The following MGST1 variants were observed in gnomAD, a reference collection of about 807,000 sequenced individuals.
MGST1 encodes glutathione S-transferase 12.
Under a neutral mutation model 8.9 loss-of-function variants are expected in MGST1, and 5 were observed. The observed-to-expected ratio is 0.56, with a 90% CI of 0.29 to 1.19. The LOEUF (loss-of-function observed/expected upper bound fraction) is 1.19, where lower values mean the gene tolerates loss of function less well. Among genes scored for constraint, MGST1 ranks in the 50% most tolerant of loss-of-function variants. MGST1 has a pLI of 0.08. For synonymous variants in MGST1, 54 were observed against 67.8 expected, an observed-to-expected ratio of 0.80 and a Z score of 1.00; for missense variants, 182 against 187.4, an observed-to-expected ratio of 0.97 and a Z score of 0.17.
At chr12:16,558,439 AGT>A (rs2137312012) in intron 4 of MGST1, among the ~76,000 whole-genome samples, 1 of 152,224 alleles carries the variant, frequency 6.6e-6, no homozygotes, top group Non-Finnish European at 1.5e-5. Context: ...AGTCAACAAA[AGT>A]ATTCTAAATT....
At chr12:16,543,350 T>C (rs769552732) in intron 4 of MGST1, among the ~76,000 whole-genome samples, 2 of 152,138 alleles carry the variant, frequency 1.3e-5, no homozygotes, top group Non-Finnish European at 2.9e-5. Context: ...TATCTCTGAC[T>C]ACGGCCTGAA....
chr12:16,387,993 C>G (rs1940520002), intron 1 of MGST1, among the ~76,000 whole-genome samples: 1 of 152,000 alleles, frequency 6.6e-6, no homozygotes, highest in Non-Finnish European at 1.5e-5. Flanking sequence ...GCCATACCAT[C>G]TAGGTTTGTG....
Position 16,513,177 on chromosome 12 carries a change from C to G in MGST1, n.483-76351C>G, listed in dbSNP as rs1941587659. On this transcript the variant is annotated intron_variant and non_coding_transcript_variant, in intron 4 of 4. Transcript: ENST00000538857. The surrounding 1 kb of genome is among the most constrained non-coding windows in gnomAD (Gnocchi z 4.2). Reference sequence around the variant, plus strand: ...AACTTAATCCACTGCCTACTATTAGCTTCGATTTCTTCATCTGACTCAGTT... The same window carrying G: ...AACTTAATCCACTGCCTACTATTAGGTTCGATTTCTTCATCTGACTCAGTT... Among the ~76,000 whole-genome samples, 1 of 152,182 alleles carries G rather than the reference C, an allele frequency of 6.6e-6. No individual in the cohort carries two copies. The highest frequency in any genetic ancestry group is 6.5e-5 in the Admixed American group (1 of 15,286).
intron 4 of MGST1, among the ~76,000 whole-genome samples, chr12:16,451,230 T>C (rs1941125985): frequency 6.6e-6 from 1 of 151,852 alleles, no homozygotes; most frequent in Non-Finnish European, 1.5e-5. Context: ...AACAATTTAT[T>C]TTCAGTATAG....
In MGST1 at chr12:16,560,493, G is replaced by A. The variant is rs767665466; in HGVS notation, n.483-29035G>A. Reference sequence around the variant, plus strand: ...CACGCATCACCATCTCAAAGGCAGGGATGAGCTTACTACAGGCAGCGCAGT... The same window carrying A: ...CACGCATCACCATCTCAAAGGCAGGAATGAGCTTACTACAGGCAGCGCAGT... On this transcript the variant is annotated intron_variant and non_coding_transcript_variant, in intron 4 of 4. Transcript: ENST00000538857. This position sits in a 1 kb window ranked among gnomAD's most constrained non-coding sequence, Gnocchi z 5.0. The A allele has an allele frequency of 3.1e-6, 5 of 1,613,826 alleles. No homozygotes were observed. Among genetic ancestry groups the A allele is most frequent in the Non-Finnish European group, 3.4e-6 (4 of 1,179,842 alleles).
downstream of MGST1, among the ~76,000 whole-genome samples, chr12:16,378,853 G>A (rs577029060): frequency 1.2e-3 from 185 of 151,984 alleles, 2 homozygotes; most frequent in East Asian, 0.03. Context: ...TCCTTGAAGA[G>A]GTCCTTCACA....
rs1941501401 is a variant in MGST1 at position 16,500,842 on chromosome 12, A to G, written n.483-88686A>G. Among the ~76,000 whole-genome samples the G allele has an allele frequency of 6.6e-6, 1 of 152,338 alleles. No individual in the cohort carries two copies. Among genetic ancestry groups the G allele is most frequent in the Non-Finnish European group, 1.5e-5 (1 of 68,016 alleles). On this transcript the variant is annotated intron_variant and non_coding_transcript_variant, in intron 4 of 4. Coordinates refer to the MGST1 transcript ENST00000538857. This position sits in a 1 kb window ranked among gnomAD's most constrained non-coding sequence, Gnocchi z 4.3. ...ACTTAGAGGTTGGGCGTGGTGGCTC[A>G]CGCCTGTAATCCCAGCACTTTGGGA...
In MGST1 at chr12:16,401,952, T is replaced by G; in HGVS notation, n.778+18348T>G. 2.5e-6 allele frequency: 4 copies of G among 1,612,228 alleles called. No individual in the cohort carries two copies. The highest frequency in any genetic ancestry group is 3.4e-6 in the Non-Finnish European group (4 of 1,178,216). On this transcript the variant is annotated intron_variant and non_coding_transcript_variant, in intron 1 of 1. Transcript: ENST00000359720. This position sits in a 1 kb window ranked among gnomAD's most constrained non-coding sequence, Gnocchi z 4.3. ...ACTGATATCTATTTTGTCAAAGCCT[T>G]CTTTGTTGAGGCAGTCATTCCAGCT...
In MGST1 at chr12:16,548,680, A is replaced by G. The variant is rs1941877766; in HGVS notation, n.483-40848A>G. ...AACACAAAGGGGAAAGTTGACAACAATTCAGGGGCTTTGAGTAGTCAAGAC... is the reference window on the plus strand; with the variant it reads ...AACACAAAGGGGAAAGTTGACAACAGTTCAGGGGCTTTGAGTAGTCAAGAC... On this transcript the variant is annotated intron_variant and non_coding_transcript_variant, in intron 4 of 4. Coordinates refer to the MGST1 transcript ENST00000538857. This position sits in a 1 kb window ranked among gnomAD's most constrained non-coding sequence, Gnocchi z 4.2. The G allele has an allele frequency of 6.6e-6, 1 of 152,172 alleles. No individual in the cohort carries two copies. Among genetic ancestry groups the G allele is most frequent in the African/African-American group, 2.4e-5 (1 of 41,444 alleles). 9.4% of individuals were successfully genotyped at this position (152,172 alleles called of 1,614,324 possible). A position where few individuals can be genotyped will look rare whatever the true frequency, so the allele number is the denominator to read the frequency against.
chr12:16,554,261 C>T (rs1401289328), intron 4 of MGST1, among the ~76,000 whole-genome samples: 3 of 152,188 alleles, frequency 2.0e-5, no homozygotes, highest in Non-Finnish European at 4.4e-5. Context: ...GAAGCCTCCA[C>T]TGGTAACATC....
At chr12:16,494,355 T>A (rs1183961736) in intron 4 of MGST1, among the ~76,000 whole-genome samples, 1 of 152,158 alleles carries the variant, frequency 6.6e-6, no homozygotes, top group East Asian at 1.9e-4. Flanking sequence ...AGAGGATTTA[T>A]GCTTTGAAAC....
intron 1 of MGST1, among the ~76,000 whole-genome samples, chr12:16,426,913 G>A (rs1940895249): frequency 6.7e-6 from 1 of 148,288 alleles, no homozygotes. Flanking sequence ...CGAGCTTGCA[G>A]TGAGCCGAGA....
At chr12:16,381,961 C>G (rs936063003), downstream of MGST1, among the ~76,000 whole-genome samples, 2 of 152,176 alleles carry the variant, frequency 1.3e-5, no homozygotes, top group Admixed American at 6.5e-5. Context: ...CTTCACATAG[C>G]TCTCGTGCCT....
In MGST1 at chr12:16,513,585, T is replaced by A. The variant is rs2137181490; in HGVS notation, n.483-75943T>A. On this transcript the variant is annotated intron_variant and non_coding_transcript_variant, in intron 4 of 4. Coordinates refer to the MGST1 transcript ENST00000538857. This position sits in a 1 kb window ranked among gnomAD's most constrained non-coding sequence, Gnocchi z 4.2. ...GCAAAAAGATGAATCTGGGAGTTAGTGCCTACAGGGACCACAACGGAAAGC... is the reference window on the plus strand; with the variant it reads ...GCAAAAAGATGAATCTGGGAGTTAGAGCCTACAGGGACCACAACGGAAAGC... 2.0e-6 allele frequency: 1 copy of A among 493,632 alleles called. No homozygotes were observed. Among genetic ancestry groups the A allele is most frequent in the Middle Eastern group, 6.3e-4 (1 of 1,588 alleles). The allele number at this position is 493,632 out of a possible 1,614,324, so 30.6% of individuals were successfully genotyped here. A position where few individuals can be genotyped will look rare whatever the true frequency, so the allele number is the denominator to read the frequency against.
chr12:16,516,215 A>G (rs1941614134), intron 4 of MGST1, among the ~76,000 whole-genome samples: 1 of 152,154 alleles, frequency 6.6e-6, no homozygotes, highest in Non-Finnish European at 1.5e-5. Flanking sequence ...CACACAAAAG[A>G]GTCTGACACA....
chr12:16,367,989 A>G (rs78565014), downstream of MGST1, among the ~76,000 whole-genome samples: 128 of 136,828 alleles, frequency 9.4e-4, no homozygotes, highest in East Asian at 0.019. Context: ...CAAAGAGGCT[A>G]CTTCTTGGAT....
intron 3 of MGST1, among the ~76,000 whole-genome samples, chr12:16,360,083 G>A (rs188980704): frequency 4.6e-5 from 7 of 152,302 alleles, no homozygotes; most frequent in Admixed American, 2.6e-4. Flanking sequence ...AGCGCCCCCT[G>A]GTGATGAGAC....
chr12:16,395,499 G>T (rs1940596377), intron 1 of MGST1, among the ~76,000 whole-genome samples: 1 of 151,910 alleles, frequency 6.6e-6, no homozygotes, highest in South Asian at 2.1e-4. Flanking sequence ...GGTGATTTGT[G>T]AGATTTTGGT....
rs560795979 is a variant in MGST1, at chr12:16,399,163, C to G, written n.778+15559C>G. On this transcript the variant is annotated intron_variant and non_coding_transcript_variant, in intron 1 of 1. Transcript: ENST00000359720. Reference sequence around the variant, plus strand: ...AAATGGCCCCCGAAACCCATAAACACAAATGGCAAAACTTCAAATGAAAAC... The same window carrying G: ...AAATGGCCCCCGAAACCCATAAACAGAAATGGCAAAACTTCAAATGAAAAC... The G allele has an allele frequency of 2.4e-4, 271 of 1,146,714 alleles. No individual in the cohort carries two copies. In the East Asian group the frequency reaches 6.3e-3, roughly 27 times the overall value. The allele number at this position is 1,146,714 out of a possible 1,614,324, so 71.0% of individuals were successfully genotyped here.
Sources: gnomAD v4.1 joint callset for allele counts (sites outside exome capture counted in the v4.1 genomes callset) on GRCh38, gnomAD v4.1.1 for gene constraint, Gnocchi (gnomAD v3.1) non-coding constraint, MANE v1.5 for transcripts, NCBI Gene and HGNC (gene_info 2026-07-23, HGNC 2026-07-21) for gene names.